The following TNIP1 variants were observed in gnomAD, a reference collection of about 807,000 sequenced individuals.
TNIP1 encodes TNFAIP3 interacting protein 1, also known as TNFAIP3-interacting protein 1.
TNIP1 carries 22 observed loss-of-function variants against 86.6 expected under a neutral mutation model. The ratio of observed to expected loss-of-function variants is 0.25; its 90% CI spans 0.18 to 0.36. TNIP1 has a LOEUF of 0.36. Ranked by LOEUF, TNIP1 falls within the 10% of genes least tolerant of loss-of-function variation. The pLI is 1.00. For synonymous variants in TNIP1, 294 were observed against 313.0 expected, an observed-to-expected ratio of 0.94 and a Z score of 0.64; for missense variants, 709 against 820.6, an observed-to-expected ratio of 0.86 and a Z score of 1.66.
Position 151,074,671 on chromosome 5 carries a change from C to T in TNIP1, c.-37+6209G>A, listed in dbSNP as rs139520572. Among the ~76,000 whole-genome samples the T allele has an allele frequency of 7.0e-3, 1,070 of 152,212 alleles. 12 individuals carry two copies. Among genetic ancestry groups the T allele is most frequent in the African/African-American group, 0.024 (1,014 of 41,514 alleles). On this transcript the variant is annotated intron_variant, in intron 1 of 17. Coordinates refer to ENST00000521591, the MANE Select transcript of TNIP1 (RefSeq NM_006058.5). ...AGCCAAAGATGCCTTGTGTTAACAACAAAAAGCTGAAAGCTACCTAAAATG... is the reference window on the plus strand; with the variant it reads ...AGCCAAAGATGCCTTGTGTTAACAATAAAAAGCTGAAAGCTACCTAAAATG...
At chr5:151,043,128 G>A (rs180940293) in intron 9 of TNIP1, among the ~76,000 whole-genome samples, 167 bp from the exon 10 acceptor site, 1 of 152,288 alleles carries the variant, frequency 6.6e-6, no homozygotes, top group East Asian at 1.9e-4. Context: ...GTTGCTCAAA[G>A]CCATCCACCT....
chr5:151,058,006 C>T (rs1561508643), intron 5 of TNIP1, among the ~76,000 whole-genome samples: 1 of 152,154 alleles, frequency 6.6e-6, no homozygotes, highest in Non-Finnish European at 1.5e-5. Context: ...CTGCAACCTC[C>T]GCCTCCTGGG....
Position 151,055,354 on chromosome 5 carries a change from A to T in TNIP1, c.627+1412T>A, listed in dbSNP as rs950971240. Among the ~76,000 whole-genome samples, 3 of 152,204 alleles carry T rather than the reference A, an allele frequency of 2.0e-5. No individual in the cohort carries two copies. The East Asian group carries it at 5.8e-4, about 29-fold the overall frequency. On this transcript the variant is annotated intron_variant, in intron 6 of 17. Coordinates refer to ENST00000521591, the MANE Select transcript of TNIP1 (RefSeq NM_006058.5). ...AACAGAGGTTGGCAGGACCCCTTTT[A>T]AGGGGCCTAGGATCTATCCCCATCT... is the stretch of plus-strand genomic sequence containing the variant.
intron 1 of TNIP1, among the ~76,000 whole-genome samples, chr5:151,078,919 A>G (rs2113838618): frequency 6.6e-6 from 1 of 152,342 alleles, no homozygotes; most frequent in Admixed American, 6.5e-5. Context: ...TGACCCAACC[A>G]GGACATCCGG....
chr5:151,065,512 C>A (rs1488824813), intron 1 of TNIP1, among the ~76,000 whole-genome samples: 1 of 152,154 alleles, frequency 6.6e-6, no homozygotes, highest in Non-Finnish European at 1.5e-5. Flanking sequence ...TCATTGCATC[C>A]TCAGAGCCTA....
Position 151,060,325 on chromosome 5 carries a change from T to A in TNIP1, c.428A>T (p.Asn143Ile). The A allele has an allele frequency of 1.9e-6, 3 of 1,614,060 alleles. No homozygotes were observed. The highest frequency in any genetic ancestry group is 2.5e-6 in the Non-Finnish European group (3 of 1,180,014). The change falls in exon 5 of 18, where the codon AAT becomes ATT. Residue 143 changes from asparagine to isoleucine, a missense_variant. Coordinates refer to ENST00000521591, the MANE Select transcript of TNIP1 (RefSeq NM_006058.5). ...TCCTGCCCGTCCACTCACCATCGCATTGGCATGGCTGCTGCTCTCTGGTGA... is the reference window on the plus strand; with the variant it reads ...TCCTGCCCGTCCACTCACCATCGCAATGGCATGGCTGCTGCTCTCTGGTGA... ...QNSPESSSHA[N>I]AMALGPLPRE...
At chr5:151,043,208 T>C (rs981358416) in intron 9 of TNIP1, among the ~76,000 whole-genome samples, 4 of 152,224 alleles carry the variant, frequency 2.6e-5, no homozygotes, top group Admixed American at 6.5e-5. Flanking sequence ...CTACATAGTT[T>C]TGGTGAATAA....
intron 8 of TNIP1, among the ~76,000 whole-genome samples, chr5:151,046,577 G>C (rs72790114): frequency 0.095 from 14,469 of 152,104 alleles, 792 homozygotes; most frequent in Middle Eastern, 0.21. Context: ...TTATTAAAAA[G>C]AAACAGGGCT....
At position 151,063,716 on chromosome 5, in the gene TNIP1, C is replaced by G; in HGVS notation, c.168G>C (p.Ala56=). 4 of 1,614,060 alleles carry G rather than the reference C, an allele frequency of 2.5e-6. No individual in the cohort carries two copies. In the African/African-American group the frequency reaches 5.3e-5, roughly 22 times the overall value. ...CCTCTGCCTTCTGCCGGAGCCTGGT[C>G]GCTTCCATCTGGGACTCTTCCAAAA... ...GELLEESQME[A]TRLRQKAEEL... Residue 56 remains alanine (A), a synonymous_variant, in exon 3 of 18, where the codon GCG becomes GCC. Transcript: ENST00000521591.
intron 8 of TNIP1, among the ~76,000 whole-genome samples, chr5:151,047,587 G>A (rs1240473973): frequency 6.6e-6 from 1 of 152,122 alleles, no homozygotes; most frequent in African/African-American, 2.4e-5. Flanking sequence ...CATTTAACCT[G>A]GGTTCTATAA....
At chr5:151,032,670 A>T in intron 16 of TNIP1, 4 of 406,834 alleles carry the variant, frequency 9.8e-6, no homozygotes, top group South Asian at 7.6e-5. Flanking sequence ...GTGTTTAAAG[A>T]TGTGTACCAA....
chr5:151,036,048 G>A (rs1255720485), intron 13 of TNIP1, among the ~76,000 whole-genome samples: 1 of 152,252 alleles, frequency 6.6e-6, no homozygotes, highest in African/African-American at 2.4e-5. Flanking sequence ...GTAGACCAGA[G>A]TTTGGATCTG....
intron 2 of TNIP1, 35 bp from the exon 3 acceptor site, chr5:151,063,782 T>G (rs903868054): frequency 6.2e-7 from 1 of 1,605,112 alleles, no homozygotes. Context: ...CAAAAGCATT[T>G]ACTCGGCTCA....
chr5:151,037,777 A>AGACC (rs1262370950), intron 12 of TNIP1, among the ~76,000 whole-genome samples: 3 of 152,164 alleles, frequency 2.0e-5, no homozygotes, highest in Non-Finnish European at 4.4e-5. Context: ...GGGGAGATAG[A>AGACC]GACCTGGCCC....
chr5:151,083,435 G>A (rs1051645650), upstream of TNIP1, among the ~76,000 whole-genome samples: 1 of 152,176 alleles, frequency 6.6e-6, no homozygotes, highest in Non-Finnish European at 1.5e-5. Flanking sequence ...TGAGACCCTA[G>A]CCTCTAGGAG....
In TNIP1 at chr5:151,030,532, G is replaced by A. The variant is rs1756754394; in HGVS notation, c.*181C>T. 1.1e-6 allele frequency: 1 copy of A among 913,420 alleles called. No individual in the cohort carries two copies. The highest frequency in any genetic ancestry group is 1.7e-6 in the Non-Finnish European group (1 of 605,674). The allele number at this position is 913,420 out of a possible 1,614,324, so 56.6% of individuals were successfully genotyped here. A position where few individuals can be genotyped will look rare whatever the true frequency, so the allele number is the denominator to read the frequency against. ...AGTACAAATGAAAGCCTTCTGGGTG[G>A]AGCCTCCCCAGTCCTGTAAACAGCT... On this transcript the variant is annotated 3_prime_UTR_variant, in exon 18 of 18. Transcript: ENST00000521591.
chr5:151,031,072 C>T (rs1756820231), intron 17 of TNIP1, among the ~76,000 whole-genome samples: 1 of 152,134 alleles, frequency 6.6e-6, no homozygotes, highest in Admixed American at 6.5e-5. Flanking sequence ...GGGGAGGGAG[C>T]CCCTCCCATT....
chr5:151,062,669 T>A (rs1385990041), intron 3 of TNIP1, among the ~76,000 whole-genome samples: 3 of 152,134 alleles, frequency 2.0e-5, no homozygotes, highest in Non-Finnish European at 2.9e-5. Context: ...TGGCCCTCCC[T>A]CCCTGACTTC....
chr5:151,049,982 G>T lies in TNIP1; in HGVS notation c.723-35C>A, dbSNP rs778107449. 23 of 1,612,866 alleles carry T rather than the reference G, an allele frequency of 1.4e-5. No individual in the cohort carries two copies. The South Asian group carries it at 2.2e-4, about 15-fold the overall frequency. ...AGGTAAACAGAGAAATCACAATGCT[G>T]ACCCTGAGTTAAGAAACCTACAGGG... is the stretch of plus-strand genomic sequence containing the variant. On this transcript the variant is annotated intron_variant, in intron 7 of 17. Coordinates refer to ENST00000521591, the MANE Select transcript of TNIP1 (RefSeq NM_006058.5).
Sources: allele counts gnomAD v4.1 joint callset (sites outside exome capture counted in the v4.1 genomes callset), GRCh38; gene constraint gnomAD v4.1.1; transcripts MANE v1.5; gene names NCBI Gene and HGNC (gene_info 2026-07-23, HGNC 2026-07-21).